The following CFAP100 variants were observed in gnomAD, a reference collection of about 807,000 sequenced individuals.
CFAP100 encodes the protein cilia- and flagella-associated protein 100.
CFAP100 carries 70 observed loss-of-function variants against 81.5 expected under a neutral mutation model. That is an observed-to-expected ratio of 0.86 (90% CI 0.71 to 1.05). The LOEUF is 1.05. Ranked by LOEUF, CFAP100 falls within the 50% of genes least tolerant of loss-of-function variation. The pLI is 0.00. For synonymous variants in CFAP100, 341 were observed against 314.8 expected, an observed-to-expected ratio of 1.08 and a Z score of -0.88; for missense variants, 811 against 776.5, an observed-to-expected ratio of 1.04 and a Z score of -0.53.
At chr3:126,419,844 C>G in intron 9 of CFAP100, 26 bp downstream of exon 9, 1 of 1,611,990 alleles carries the variant, frequency 6.2e-7, no homozygotes, top group Non-Finnish European at 8.5e-7. Context: ...ATGTGGGTTC[C>G]CAGGTGGGCT....
intron 4 of CFAP100, 91 bp from the exon 5 acceptor site, chr3:126,416,225 A>T: frequency 5.2e-6 from 4 of 764,792 alleles, no homozygotes; most frequent in Non-Finnish European, 7.5e-6. Flanking sequence ...TCGCGCGCAA[A>T]CCCGCGTCCC....
intron 2 of CFAP100, among the ~76,000 whole-genome samples, chr3:126,404,041 C>T (rs915872899): frequency 6.6e-6 from 1 of 152,140 alleles, no homozygotes; most frequent in Non-Finnish European, 1.5e-5. Context: ...TCTCAAGAAT[C>T]GTCTAGAAAC....
intron 13 of CFAP100, among the ~76,000 whole-genome samples, chr3:126,428,378 G>T (rs1158340734): frequency 1.3e-5 from 2 of 152,174 alleles, no homozygotes; most frequent in Non-Finnish European, 2.9e-5. Flanking sequence ...TAAAGAGAGA[G>T]AAAGCACACA....
intron 13 of CFAP100, among the ~76,000 whole-genome samples, chr3:126,426,641 T>C (rs1932953941): frequency 6.6e-6 from 1 of 152,050 alleles, no homozygotes; most frequent in South Asian, 2.1e-4. Flanking sequence ...TCCCAGCTAC[T>C]TGGGAGGCTG....
chr3:126,434,091 A>G, intron 14 of CFAP100, 85 bp from the exon 15 acceptor site: 1 of 1,187,466 alleles, frequency 8.4e-7, no homozygotes, highest in Non-Finnish European at 1.2e-6. Flanking sequence ...CCACCCTGGG[A>G]GGTCAGCAGG....
intron 8 of CFAP100, 131 bp from the exon 9 acceptor site, chr3:126,419,506 C>A (rs1560074298): frequency 2.5e-6 from 2 of 799,402 alleles, no homozygotes; most frequent in Non-Finnish European, 2.0e-6. Flanking sequence ...GGCATTCCTG[C>A]ACCTTTTCTC....
chr3:126,425,928 AATC>A (rs1361577234), intron 13 of CFAP100, among the ~76,000 whole-genome samples: 1 of 152,206 alleles, frequency 6.6e-6, no homozygotes, highest in Non-Finnish European at 1.5e-5. Context: ...AGAACACAAA[AATC>A]CTACAGCTAA....
chr3:126,435,612 A>G lies in CFAP100; in HGVS notation c.1682A>G (p.Gln561Arg), dbSNP rs758668134. The change falls in exon 16 of 17, where the codon CAG (glutamine) becomes CGG (arginine). Residue 561 changes from glutamine (Q) to arginine (R), a missense_variant. By Grantham distance (43) the Gln-to-Arg change is conservative. Coordinates refer to ENST00000352312, the MANE Select transcript of CFAP100 (RefSeq NM_182628.3). Reference sequence around the variant, plus strand: ...AAGATCCTACAGGAGGAGCATCTGCAGCGGGCCCGGGCGCGCGCCCAGGCT... The same window carrying G: ...AAGATCCTACAGGAGGAGCATCTGCGGCGGGCCCGGGCGCGCGCCCAGGCT... ...MQKILQEEHL[Q>R]RARARAQAEI... is the part of the protein sequence containing the mutation. 3 of 1,612,670 alleles carry G rather than the reference A, an allele frequency of 1.9e-6. No individual in the cohort carries two copies. Among genetic ancestry groups the G allele is most frequent in the Non-Finnish European group, 2.5e-6 (3 of 1,178,970 alleles).
chr3:126,404,602 C>T (rs1456120093), intron 2 of CFAP100, among the ~76,000 whole-genome samples: 1 of 152,190 alleles, frequency 6.6e-6, no homozygotes, highest in South Asian at 2.1e-4. Context: ...GGCAGTTAAT[C>T]GGTAACAAAG....
chr3:126,416,266 G>T (rs779306765), intron 4 of CFAP100, 50 bp from the exon 5 acceptor site: 4 of 1,514,236 alleles, frequency 2.6e-6, no homozygotes, highest in Non-Finnish European at 3.6e-6. Context: ...GGGAGGCCTG[G>T]ACGCGGGTGG....
chr3:126,436,150 T>G (rs984108265), intron 16 of CFAP100, 141 bp from the exon 17 acceptor site: 2 of 619,492 alleles, frequency 3.2e-6, no homozygotes, highest in African/African-American at 3.7e-5. Flanking sequence ...CAGAGTTAAC[T>G]CCAGCCCTCA....
At chr3:126,395,870 T>C in intron 1 of CFAP100, 72 bp from the exon 2 acceptor site, 1 of 738,876 alleles carries the variant, frequency 1.4e-6, no homozygotes, top group Non-Finnish European at 2.3e-6. Context: ...TGTCGGTGGC[T>C]GTCAGCCACC....
intron 11 of CFAP100, 119 bp from the exon 12 acceptor site, chr3:126,423,206 G>A (rs2083359129): frequency 5.0e-5 from 39 of 773,810 alleles, no homozygotes; most frequent in South Asian, 4.7e-4. Context: ...TAACTTGTGG[G>A]CAGCTGGGAG....
At chr3:126,406,753 G>A (rs961687506) in intron 2 of CFAP100, among the ~76,000 whole-genome samples, 1 of 152,198 alleles carries the variant, frequency 6.6e-6, no homozygotes, top group Non-Finnish European at 1.5e-5. Flanking sequence ...TGAGGAGGTG[G>A]GGTCTTAGGG....
chr3:126,408,110 G>A (rs1163735560), intron 3 of CFAP100, among the ~76,000 whole-genome samples: 1 of 152,122 alleles, frequency 6.6e-6, no homozygotes, highest in Non-Finnish European at 1.5e-5. Flanking sequence ...TGTAGAGATT[G>A]GAGCCAACGA....
At chr3:126,411,089 A>G (rs1035766367) in intron 3 of CFAP100, among the ~76,000 whole-genome samples, 2 of 152,218 alleles carry the variant, frequency 1.3e-5, no homozygotes, top group Non-Finnish European at 2.9e-5. Context: ...GAGAGTTTTT[A>G]TCATAAAGGG....
chr3:126,414,560 A>G (rs6799758), intron 4 of CFAP100, among the ~76,000 whole-genome samples: 13,089 of 152,146 alleles, frequency 0.086, 706 homozygotes, highest in African/African-American at 0.14. Flanking sequence ...CCCATCCCAC[A>G]GGCACCCCCT....
At chr3:126,396,859 C>G (rs976702885) in intron 2 of CFAP100, among the ~76,000 whole-genome samples, 6 of 152,160 alleles carry the variant, frequency 3.9e-5, no homozygotes, top group African/African-American at 1.4e-4. Context: ...GGCCCTTCAG[C>G]TTTTTTATTG....
rs949921181 is a variant in CFAP100 at position 126,436,465 on chromosome 3, G to A, written c.*61G>A. On this transcript the variant is annotated 3_prime_UTR_variant, in exon 17 of 17. Coordinates refer to ENST00000352312, the MANE Select transcript of CFAP100 (RefSeq NM_182628.3). ...AGCAAAGATGTTGGCAGAGGAAGCA[G>A]AGACTGGGCTGGGTCTCGAGTGGCC... 2.1e-4 allele frequency: 287 copies of A among 1,352,958 alleles called. No individual in the cohort carries two copies. The highest frequency in any genetic ancestry group is 2.8e-4 in the Non-Finnish European group (268 of 960,858). 83.8% of individuals were successfully genotyped at this position (1,352,958 alleles called of 1,614,324 possible). A position where few individuals can be genotyped will look rare whatever the true frequency, so the allele number is the denominator to read the frequency against.
Sources: allele counts gnomAD v4.1 joint callset (sites outside exome capture counted in the v4.1 genomes callset), GRCh38; gene constraint gnomAD v4.1.1; transcripts MANE v1.5; gene names NCBI Gene and HGNC (gene_info 2026-07-23, HGNC 2026-07-21).